Variants in ITSN2 observed in about 807,000 individuals in gnomAD.
The protein encoded by ITSN2 is intersectin-2.
In ITSN2, 156 loss-of-function variants were observed where a neutral mutation model predicts 243.7. That is an observed-to-expected ratio of 0.64 (90% confidence interval 0.56 to 0.73). ITSN2 has a LOEUF of 0.73. Among genes scored for constraint, ITSN2 ranks in the 30% least tolerant of loss-of-function variants. ITSN2 has a pLI of 0.00. For synonymous variants in ITSN2, 703 were observed against 699.9 expected (o/e 1.00, Z -0.07); for missense variants, 1,801 against 1,996.1 (o/e 0.90, Z 1.86).
At chr2:24,294,348 C>A (rs1305202659) in intron 14 of ITSN2, among the ~76,000 whole-genome samples, 1 of 152,156 alleles carries the variant, frequency 6.6e-6, no homozygotes, top group East Asian at 1.9e-4. Context: ...ATTGCTTGAG[C>A]CTGGGAGGCA....
Position 24,248,699 on chromosome 2 carries a change from C to G in ITSN2, c.3218G>C (p.Ser1073Thr). Reference sequence around the variant, plus strand: ...TAATATTAACTGTCCTGGTGCAAGGCTAAGTTGTTCAGAACCAGAAGCAAC... The same window carrying G: ...TAATATTAACTGTCCTGGTGCAAGGGTAAGTTGTTCAGAACCAGAAGCAAC... ...AYVASGSEQLSLAPGQLILIL... is the reference protein window; with the variant it reads ...AYVASGSEQLTLAPGQLILIL... Residue 1073 changes from serine (S) to threonine (T), a missense_variant, in exon 27 of 40, where the codon AGC (serine) becomes ACC (threonine). Physicochemically the swap from Ser to Thr is moderately conservative, Grantham distance 58. Around this residue, in one of 5 missense-constraint regions of ITSN2, gnomAD observed 928 missense variants for 1,065.4 expected, o/e 0.87. Coordinates refer to ENST00000355123, the MANE Select transcript of ITSN2 (RefSeq NM_006277.3). The G allele has an allele frequency of 6.2e-7, 1 of 1,613,290 alleles. No individual in the cohort carries two copies. The highest frequency in any genetic ancestry group is 8.5e-7 in the Non-Finnish European group (1 of 1,179,548).
At chr2:24,257,680 C>A (rs763662419) in intron 23 of ITSN2, among the ~76,000 whole-genome samples, 1 of 152,054 alleles carries the variant, frequency 6.6e-6, no homozygotes, top group Non-Finnish European at 1.5e-5. Context: ...TGGTCTCAAA[C>A]CCCTGGGCTC....
rs1287849504 is a variant in ITSN2, at chr2:24,249,192, A to G, written c.3121-310T>C. 6.6e-6 allele frequency among the ~76,000 whole-genome samples: 1 copy of G among 152,158 alleles called. No individual in the cohort carries two copies. Among genetic ancestry groups the G allele is most frequent in the African/African-American group, 2.4e-5 (1 of 41,434 alleles). On this transcript the variant is annotated intron_variant, in intron 25 of 39. Coordinates refer to ENST00000355123, the MANE Select transcript of ITSN2 (RefSeq NM_006277.3). This position sits in a 1 kb window ranked among gnomAD's most constrained non-coding sequence, Gnocchi z 4.4. Reference sequence around the variant, plus strand: ...TGACCCTCCAGGCCAAATGCACTCCATTTATCAATGGCGTTAGCACCAATG... The same window carrying G: ...TGACCCTCCAGGCCAAATGCACTCCGTTTATCAATGGCGTTAGCACCAATG...
At chr2:24,353,699 A>T (rs1479321179) in intron 1 of ITSN2, among the ~76,000 whole-genome samples, 1 of 152,244 alleles carries the variant, frequency 6.6e-6, no homozygotes, top group Non-Finnish European at 1.5e-5. Flanking sequence ...CACTCTTCAG[A>T]AGGCACTGTG....
chr2:24,316,611 A>G (rs1683967373), intron 2 of ITSN2, among the ~76,000 whole-genome samples: 1 of 152,202 alleles, frequency 6.6e-6, no homozygotes, highest in African/African-American at 2.4e-5. Context: ...ATTTGGAATA[A>G]TTTTAGATTT....
chr2:24,342,324 A>G (rs1164679877), intron 1 of ITSN2, among the ~76,000 whole-genome samples: 1 of 151,790 alleles, frequency 6.6e-6, no homozygotes, highest in Non-Finnish European at 1.5e-5. Flanking sequence ...CAGCTTTTCA[A>G]GCGGCTGGGA....
At chr2:24,227,320 G>T (rs1010561277) in intron 29 of ITSN2, among the ~76,000 whole-genome samples, 3 of 149,742 alleles carry the variant, frequency 2.0e-5, no homozygotes, top group Non-Finnish European at 4.4e-5. Flanking sequence ...ACAAAAAACG[G>T]GAAAAATCCA....
At chr2:24,229,909 G>A (rs142898313) in intron 29 of ITSN2, among the ~76,000 whole-genome samples, 122 of 151,906 alleles carry the variant, frequency 8.0e-4, no homozygotes, top group African/African-American at 2.9e-3. Flanking sequence ...TCCTTTGCTC[G>A]TTCCTCCTCA....
rs1668525254 is a variant in ITSN2 at position 24,203,502 on chromosome 2, C to G, written c.*124G>C. On this transcript the variant is annotated 3_prime_UTR_variant, in exon 40 of 40. Coordinates refer to ENST00000355123, the MANE Select transcript of ITSN2 (RefSeq NM_006277.3). ...TTAGTGTGCAGGAAAACAGAGCCCC[C>G]AGCGTGCATGGCTTTGTGAGGGGTG... The G allele has an allele frequency of 2.2e-6, 2 of 926,154 alleles. No homozygotes were observed. Among genetic ancestry groups the G allele is most frequent in the Admixed American group, 2.9e-5 (1 of 34,596 alleles). The allele number at this position is 926,154 out of a possible 1,614,324, so 57.4% of individuals were successfully genotyped here.
At position 24,209,198 on chromosome 2, in the gene ITSN2, C is replaced by T. The variant is rs779567717; in HGVS notation, c.4497G>A (p.Leu1499=). 7 of 1,614,008 alleles carry T rather than the reference C, an allele frequency of 4.3e-6. No individual in the cohort carries two copies. Among genetic ancestry groups the T allele is most frequent in the South Asian group, 2.2e-5 (2 of 91,078 alleles). The change falls in exon 36 of 40, where the codon TTG becomes TTA. Residue 1499 remains leucine, a synonymous_variant. Transcript: ENST00000355123. The stretch of plus-strand genomic sequence containing the variant: ...TGGAAGGGTCTGTGGGCAGTTTCAC[C>T]AAGACTTCATTCAGGAAAATGGGCT... ...YKTPIFLNEV[L]VKLPTDPSSD... is the part of the protein sequence containing the mutation.
chr2:24,261,419 G>A, intron 21 of ITSN2, 142 bp downstream of exon 21: 2 of 895,146 alleles, frequency 2.2e-6, no homozygotes, highest in Non-Finnish European at 3.4e-6. Context: ...CTAAATTTCA[G>A]TATTAAATCT....
At position 24,317,938 on chromosome 2, in the gene ITSN2, A is replaced by AT. The variant is rs1204873942; in HGVS notation, c.32-2715dup. On this transcript the variant is annotated intron_variant, in intron 2 of 39. Coordinates refer to ENST00000355123, the MANE Select transcript of ITSN2 (RefSeq NM_006277.3). ...AGTGGTGCCTCAAACTATTGACAGT[A>AT]TTTTTTTGTTTTTCACATAGACTTT... 2.0e-5 allele frequency among the ~76,000 whole-genome samples: 3 copies of AT among 152,162 alleles called. No homozygotes were observed. The East Asian group carries it at 5.8e-4, about 29-fold the overall frequency.
intron 2 of ITSN2, among the ~76,000 whole-genome samples, chr2:24,318,380 A>G (rs967601042): frequency 6.6e-6 from 1 of 152,106 alleles, no homozygotes; most frequent in Non-Finnish European, 1.5e-5. Flanking sequence ...TCCTGGGCTC[A>G]AGTGATCCTC....
At position 24,204,140 on chromosome 2, in the gene ITSN2, C is replaced by T. The variant is rs1668596449; in HGVS notation, c.4936+105G>A. On this transcript the variant is annotated intron_variant, in intron 39 of 39. Coordinates refer to ENST00000355123, the MANE Select transcript of ITSN2 (RefSeq NM_006277.3). The surrounding 1 kb of genome is among the most constrained non-coding windows in gnomAD (Gnocchi z 5.1). Reference sequence around the variant, plus strand: ...AGATGACACAGGCCTGTGTCACTTCCCTGAAGTGGCATGGGGTCTGCACAC... The same window carrying T: ...AGATGACACAGGCCTGTGTCACTTCTCTGAAGTGGCATGGGGTCTGCACAC... The T allele has an allele frequency of 1.2e-5, 14 of 1,136,618 alleles. No individual in the cohort carries two copies. The South Asian group carries it at 1.8e-4, about 15-fold the overall frequency. The allele number at this position is 1,136,618 out of a possible 1,614,324, so 70.4% of individuals were successfully genotyped here.
intron 20 of ITSN2, 123 bp downstream of exon 20, chr2:24,270,548 T>C: frequency 1.7e-6 from 1 of 600,514 alleles, no homozygotes; most frequent in Non-Finnish European, 3.0e-6. Context: ...CCAAATGAGG[T>C]AATGTTTAAG....
At chr2:24,322,107 C>T (rs1684638205) in intron 2 of ITSN2, among the ~76,000 whole-genome samples, 1 of 152,108 alleles carries the variant, frequency 6.6e-6, no homozygotes, top group Non-Finnish European at 1.5e-5. Context: ...CCTCTATAAA[C>T]TAGGAATATT....
intron 20 of ITSN2, among the ~76,000 whole-genome samples, chr2:24,264,536 T>C (rs1021429419): frequency 2.6e-5 from 4 of 152,222 alleles, no homozygotes; most frequent in Non-Finnish European, 4.4e-5. Flanking sequence ...TTTGACATCA[T>C]ATTTTACCTA....
intron 1 of ITSN2, among the ~76,000 whole-genome samples, chr2:24,337,315 A>AATATATATATATACATATATATACATAT (rs1278959952): frequency 6.2e-5 from 2 of 32,026 alleles, no homozygotes; most frequent in African/African-American, 2.2e-4. Context: ...GTATACACAA[A>AATATATATATATACATATATATACATAT]ATATATATAT....
intron 8 of ITSN2, 122 bp from the exon 9 acceptor site, chr2:24,303,984 A>G: frequency 1.4e-6 from 1 of 723,588 alleles, no homozygotes; most frequent in African/African-American, 1.8e-5. Flanking sequence ...TTAACATCAA[A>G]ATGTTTTTAC....
Sources: gnomAD v4.1 joint callset for allele counts (sites outside exome capture counted in the v4.1 genomes callset) on GRCh38, gnomAD v4.1.1 for gene constraint, gnomAD v4.1.1 regional missense constraint, Gnocchi (gnomAD v3.1) non-coding constraint, MANE v1.5 for transcripts, NCBI Gene and HGNC (gene_info 2026-07-23, HGNC 2026-07-21) for gene names.